CHST9: variants seen among roughly 807,000 people sequenced by gnomAD.
CHST9 encodes the protein GalNAc-4-sulfotransferase 2.
A neutral mutation model predicts 44.4 loss-of-function variants in CHST9; 41 were observed. The observed-to-expected ratio is 0.92, with a 90% CI of 0.72 to 1.20. CHST9 has a LOEUF of 1.20. Ranked by LOEUF, CHST9 falls within the 50% of genes most tolerant of loss-of-function variation. CHST9 has a pLI of 0.00. For missense variants in CHST9, 504 were observed against 516.5 expected (o/e 0.98, Z 0.23); for synonymous variants, 171 against 178.4 (o/e 0.96, Z 0.33).
chr18:27,073,327 C>A (rs1332864499), intron 2 of CHST9, among the ~76,000 whole-genome samples: 1 of 145,522 alleles, frequency 6.9e-6, no homozygotes, highest in East Asian at 2.0e-4. Context: ...CCTAAGGAGA[C>A]AACCCAGGAT....
intron 4 of CHST9, among the ~76,000 whole-genome samples, chr18:27,019,131 T>C (rs2057189951): frequency 6.6e-6 from 1 of 152,156 alleles, no homozygotes; most frequent in Non-Finnish European, 1.5e-5. Flanking sequence ...CTTTGCCAAA[T>C]GAGGGCAAAG....
intron 2 of CHST9, among the ~76,000 whole-genome samples, chr18:27,099,256 A>T (rs2058147612): frequency 6.6e-6 from 1 of 152,206 alleles, no homozygotes. Context: ...CTGAGGAAAC[A>T]TCATTCTGGA....
chr18:26,969,584 G>A (rs2056515220), intron 4 of CHST9, among the ~76,000 whole-genome samples: 3 of 152,158 alleles, frequency 2.0e-5, no homozygotes, highest in African/African-American at 7.2e-5. Context: ...AATGAATAAG[G>A]AAGAAAAGGT....
At chr18:26,974,427 G>A (rs893311248) in intron 4 of CHST9, among the ~76,000 whole-genome samples, 1 of 152,216 alleles carries the variant, frequency 6.6e-6, no homozygotes, top group Non-Finnish European at 1.5e-5. Context: ...AAGGAAGAGG[G>A]AAGAGAAGAA....
chr18:27,054,138 C>T lies in CHST9; in HGVS notation c.122-5635G>A, dbSNP rs561601568. 2.0e-5 allele frequency among the ~76,000 whole-genome samples: 3 copies of T among 152,270 alleles called. No individual in the cohort carries two copies. The South Asian group carries it at 6.2e-4, about 32-fold the overall frequency. On this transcript the variant is annotated intron_variant, in intron 2 of 5. Transcript: ENST00000618847. ...AAATGCTCCAACTCACTCTGAAATG[C>T]TGGAGAACATGAAGTCAATTTTAGT...
chr18:26,977,166 C>T (rs1239554042), intron 4 of CHST9, among the ~76,000 whole-genome samples: 5 of 151,890 alleles, frequency 3.3e-5, no homozygotes, highest in African/African-American at 1.2e-4. Context: ...AAAAAAGTTA[C>T]TTGCCAATAT....
chr18:27,090,003 G>A (rs1029684709), intron 2 of CHST9, among the ~76,000 whole-genome samples: 1 of 151,962 alleles, frequency 6.6e-6, no homozygotes, highest in Non-Finnish European at 1.5e-5. Flanking sequence ...AGTAGAGATG[G>A]GGTTGCATTG....
intron 2 of CHST9, among the ~76,000 whole-genome samples, chr18:27,112,318 A>G (rs1421528760): frequency 6.6e-6 from 1 of 151,264 alleles, no homozygotes; most frequent in African/African-American, 2.4e-5. Flanking sequence ...GGATTGTGGA[A>G]TATCTGCATA....
At chr18:26,947,155 G>C (rs1401541578) in intron 4 of CHST9, among the ~76,000 whole-genome samples, 2 of 152,170 alleles carry the variant, frequency 1.3e-5, no homozygotes, top group Non-Finnish European at 2.9e-5. Context: ...CCATGGGCAT[G>C]GAATGTTTTT....
At chr18:27,040,421 T>C (rs1313972977) in intron 3 of CHST9, among the ~76,000 whole-genome samples, 4 of 152,236 alleles carry the variant, frequency 2.6e-5, no homozygotes, top group Non-Finnish European at 2.9e-5. Context: ...ATTAATCAGA[T>C]CACTCAGCTG....
intron 2 of CHST9, among the ~76,000 whole-genome samples, chr18:27,125,524 T>G (rs2143820907): frequency 6.6e-6 from 1 of 152,270 alleles, no homozygotes; most frequent in African/African-American, 2.4e-5. Flanking sequence ...CTAAATAAAT[T>G]TGAACCATTT....
At chr18:27,022,820 A>G (rs2057241665) in intron 4 of CHST9, among the ~76,000 whole-genome samples, 1 of 152,212 alleles carries the variant, frequency 6.6e-6, no homozygotes, top group African/African-American at 2.4e-5. Context: ...GTTTTTTGGG[A>G]TAACACATTG....
rs1330162820 is a variant in CHST9, at chr18:26,907,428, A to C, written c.*8831T>G. ...CATCTAGATGAAGCAGTCCCACAAG[A>C]AACTGGGAATCTGAATCAAAGTTCG... On this transcript the variant is annotated 3_prime_UTR_variant, in exon 6 of 6. Coordinates refer to ENST00000618847, the MANE Select transcript of CHST9 (RefSeq NM_031422.6). The C allele has an allele frequency of 1.3e-5, 2 of 152,348 alleles. No individual in the cohort carries two copies. Among genetic ancestry groups the C allele is most frequent in the East Asian group, 3.9e-4 (2 of 5,166 alleles). The allele number at this position is 152,348 out of a possible 1,614,324, so 9.4% of individuals were successfully genotyped here. A position where few individuals can be genotyped will look rare whatever the true frequency, so the allele number is the denominator to read the frequency against.
At chr18:27,139,514 TA>T (rs1292426665) in intron 2 of CHST9, among the ~76,000 whole-genome samples, 2 of 150,576 alleles carry the variant, frequency 1.3e-5, no homozygotes, top group South Asian at 2.1e-4. Flanking sequence ...TATATATATA[TA>T]AAAAATAAAT....
chr18:27,093,086 G>C (rs2058084906), intron 2 of CHST9, among the ~76,000 whole-genome samples: 1 of 152,154 alleles, frequency 6.6e-6, no homozygotes, highest in African/African-American at 2.4e-5. Flanking sequence ...CAGAACAGCT[G>C]CCTGATCCTT....
chr18:27,071,622 T>C (rs2143648123), intron 2 of CHST9, among the ~76,000 whole-genome samples: 1 of 152,336 alleles, frequency 6.6e-6, no homozygotes, highest in Non-Finnish European at 1.5e-5. Flanking sequence ...TTAGACTTTT[T>C]TTCTCAATTC....
chr18:26,969,374 CTCTGTGTGTGTGTGTG>C (rs74271386), intron 4 of CHST9, among the ~76,000 whole-genome samples: 51,469 of 149,316 alleles, frequency 0.34, 9,313 homozygotes, highest in East Asian at 0.47. Flanking sequence ...CTCTCTCTCT[CTCTGTGTGTGTGTGTG>C]TGTGTGTGTG....
intron 2 of CHST9, among the ~76,000 whole-genome samples, chr18:27,134,459 T>C (rs2058497302): frequency 6.6e-6 from 1 of 152,204 alleles, no homozygotes; most frequent in South Asian, 2.1e-4. Context: ...CTGATGTTTA[T>C]GTGCTTAAAC....
rs144396158 is a variant in CHST9, at chr18:26,909,756, G to A, written c.*6503C>T. ...TTTCTCCACCTCTCTAAGTATAGAA[G>A]TGGGGGGAGGAGTAGGAGGAGTAGG... On this transcript the variant is annotated 3_prime_UTR_variant, in exon 6 of 6. Coordinates refer to ENST00000618847, the MANE Select transcript of CHST9 (RefSeq NM_031422.6). 1.3e-5 allele frequency: 2 copies of A among 152,238 alleles called. No individual in the cohort carries two copies. Among genetic ancestry groups the A allele is most frequent in the Non-Finnish European group, 2.9e-5 (2 of 68,092 alleles). 9.4% of individuals were successfully genotyped at this position (152,238 alleles called of 1,614,324 possible).
Sources: gnomAD v4.1 joint callset for allele counts (sites outside exome capture counted in the v4.1 genomes callset) on GRCh38, gnomAD v4.1.1 for gene constraint, MANE v1.5 for transcripts, NCBI Gene and HGNC (gene_info 2026-07-23, HGNC 2026-07-21) for gene names.